SGCZ: variants seen among roughly 807,000 people sequenced by gnomAD.
SGCZ encodes the protein zeta-sarcoglycan.
In SGCZ, 40 loss-of-function variants were observed where a neutral mutation model predicts 41.3. The ratio of observed to expected loss-of-function variants is 0.97; its 90% CI spans 0.75 to 1.26. SGCZ has a LOEUF of 1.26. Ranked by LOEUF, SGCZ falls within the 50% of genes most tolerant of loss-of-function variation. The probability of loss-of-function intolerance (pLI) is 0.00; values close to 1 mark genes in which losing one functional copy is unlikely to be tolerated. For synonymous variants in SGCZ, 206 were observed against 137.5 expected, an observed-to-expected ratio of 1.50 and a Z score of -3.49; for missense variants, 552 against 369.8, an observed-to-expected ratio of 1.49 and a Z score of -4.04.
chr8:14,441,156 ACAAT>A (rs999929645), intron 2 of SGCZ, among the ~76,000 whole-genome samples: 4 of 152,212 alleles, frequency 2.6e-5, no homozygotes, highest in African/African-American at 9.6e-5. Flanking sequence ...TAAAAAATTT[ACAAT>A]CAGTTTTTAT....
intron 1 of SGCZ, among the ~76,000 whole-genome samples, chr8:14,615,185 G>T (rs1467897844): frequency 6.6e-6 from 1 of 152,152 alleles, no homozygotes; most frequent in Non-Finnish European, 1.5e-5. Flanking sequence ...AAATAAGCAG[G>T]AGGCCCTTAA....
chr8:14,606,879 A>G (rs1041235389), intron 1 of SGCZ, among the ~76,000 whole-genome samples: 4 of 152,164 alleles, frequency 2.6e-5, no homozygotes, highest in Non-Finnish European at 5.9e-5. Context: ...TTTTACAGTT[A>G]AGACTATTAA....
chr8:14,602,356 T>C (rs1244205680), intron 1 of SGCZ, among the ~76,000 whole-genome samples: 1 of 151,872 alleles, frequency 6.6e-6, no homozygotes, highest in East Asian at 1.9e-4. Flanking sequence ...CCAGGCATGG[T>C]GGCTCGCACC....
intron 2 of SGCZ, among the ~76,000 whole-genome samples, chr8:14,508,869 T>G (rs1408058480): frequency 1.3e-5 from 2 of 152,280 alleles, no homozygotes; most frequent in African/African-American, 4.8e-5. Flanking sequence ...CATTTTTGGG[T>G]GCTTAAGTGA....
chr8:15,014,176 G>C (rs147162601), intron 1 of SGCZ, among the ~76,000 whole-genome samples: 186 of 152,306 alleles, frequency 1.2e-3, no homozygotes, highest in East Asian at 0.011. Context: ...CTGGAGCACT[G>C]TGGTAGCTGA....
intron 1 of SGCZ, among the ~76,000 whole-genome samples, chr8:14,762,686 T>G (rs562612873): frequency 6.6e-6 from 1 of 152,346 alleles, no homozygotes; most frequent in African/African-American, 2.4e-5. Context: ...TTTGTTGAAC[T>G]TTATCTTTTT....
chr8:14,602,931 A>T (rs1475030391), intron 1 of SGCZ, among the ~76,000 whole-genome samples: 1 of 152,234 alleles, frequency 6.6e-6, no homozygotes, highest in East Asian at 1.9e-4. Context: ...TAAGCAAGCC[A>T]TGATTGTCAC....
At chr8:15,167,689 A>C (rs1349403963) in intron 1 of SGCZ, among the ~76,000 whole-genome samples, 2 of 151,652 alleles carry the variant, frequency 1.3e-5, no homozygotes, top group Non-Finnish European at 2.9e-5. Flanking sequence ...TTAAAAAAAA[A>C]TACGGTCTAG....
intron 1 of SGCZ, among the ~76,000 whole-genome samples, chr8:14,788,254 C>T (rs939647749): frequency 6.6e-6 from 1 of 152,126 alleles, no homozygotes; most frequent in Non-Finnish European, 1.5e-5. Flanking sequence ...GTGTCTGTTC[C>T]ATGCTAATTT....
Position 14,398,998 on chromosome 8 carries a change from A to G in SGCZ, c.235-74794T>C, listed in dbSNP as rs1331791597. Among the ~76,000 whole-genome samples the G allele has an allele frequency of 4.6e-5, 7 of 152,210 alleles. 1 individual carries two copies. In the East Asian group the frequency reaches 1.4e-3, roughly 29 times the overall value. ...GTTCCTTGAAATAACCTTACTTGAA[A>G]TTATTAACAATTTTTCCTAAAGGGA... On this transcript the variant is annotated intron_variant, in intron 2 of 7. Transcript: ENST00000382080.
intron 2 of SGCZ, among the ~76,000 whole-genome samples, chr8:14,326,336 A>C (rs1376637338): frequency 6.6e-6 from 1 of 152,036 alleles, no homozygotes; most frequent in Non-Finnish European, 1.5e-5. Context: ...AGAGAAAGCC[A>C]TTGAGGTAGA....
chr8:14,547,545 A>T (rs1313572759), intron 2 of SGCZ, among the ~76,000 whole-genome samples: 1 of 152,206 alleles, frequency 6.6e-6, no homozygotes, highest in Non-Finnish European at 1.5e-5. Context: ...CATTAGTCAC[A>T]GCTAATAATG....
intron 5 of SGCZ, among the ~76,000 whole-genome samples, chr8:14,154,459 A>C (rs1803816674): frequency 6.6e-6 from 1 of 152,104 alleles, no homozygotes; most frequent in Non-Finnish European, 1.5e-5. Flanking sequence ...TTGTTATGGG[A>C]CCCTAAGCTG....
chr8:14,166,149 A>AAAC (rs1240850423), intron 4 of SGCZ, among the ~76,000 whole-genome samples: 5 of 152,176 alleles, frequency 3.3e-5, no homozygotes, highest in African/African-American at 1.2e-4. Flanking sequence ...AGTAAGATTA[A>AAAC]AACTAATGTT....
chr8:14,606,997 A>G (rs1345819067), intron 1 of SGCZ, among the ~76,000 whole-genome samples: 1 of 152,166 alleles, frequency 6.6e-6, no homozygotes, highest in East Asian at 1.9e-4. Context: ...CTGTTTTCAT[A>G]TTCATCATAT....
At chr8:14,396,247 T>C (rs1467861049) in intron 2 of SGCZ, among the ~76,000 whole-genome samples, 1 of 152,172 alleles carries the variant, frequency 6.6e-6, no homozygotes, top group African/African-American at 2.4e-5. Context: ...TTCAATTTAG[T>C]GTAAGGTAAG....
At chr8:14,371,645 T>C (rs556522600) in intron 2 of SGCZ, among the ~76,000 whole-genome samples, 119 of 152,228 alleles carry the variant, frequency 7.8e-4, no homozygotes, top group Non-Finnish European at 1.5e-3. Context: ...ACCCTGGCCC[T>C]ATTAATTAAT....
intron 1 of SGCZ, among the ~76,000 whole-genome samples, chr8:14,843,741 C>T (rs1038845692): frequency 3.3e-5 from 5 of 151,982 alleles, no homozygotes; most frequent in African/African-American, 1.2e-4. Flanking sequence ...CTTTATAAAA[C>T]ACTGCCAAGA....
intron 1 of SGCZ, among the ~76,000 whole-genome samples, chr8:14,627,632 CT>C (rs1003177328): frequency 2.0e-5 from 3 of 151,706 alleles, no homozygotes; most frequent in Admixed American, 6.6e-5. Context: ...GATTTCAGCA[CT>C]TTTTTTCCTA....
Sources: gnomAD v4.1 joint callset for allele counts (sites outside exome capture counted in the v4.1 genomes callset) on GRCh38, gnomAD v4.1.1 for gene constraint, MANE v1.5 for transcripts, NCBI Gene and HGNC (gene_info 2026-07-23, HGNC 2026-07-21) for gene names.